LRP1B: variants seen among roughly 807,000 people sequenced by gnomAD.
LRP1B encodes LDL receptor related protein 1B.
LRP1B carries 217 observed loss-of-function variants against 556.6 expected under a neutral mutation model. The observed-to-expected ratio is 0.39, with a 90% CI of 0.35 to 0.44. The LOEUF is 0.44. Ranked by LOEUF, LRP1B falls within the 20% of genes least tolerant of loss-of-function variation. LRP1B has a pLI of 1.00. For missense variants in LRP1B, 5,053 were observed against 5,620.8 expected (o/e 0.90, Z 3.23); for synonymous variants, 2,047 against 1,865.8 (o/e 1.10, Z -2.50).
intron 2 of LRP1B, among the ~76,000 whole-genome samples, chr2:141,597,142 G>T (rs781709655): frequency 6.6e-6 from 1 of 151,786 alleles, no homozygotes; most frequent in Non-Finnish European, 1.5e-5. Flanking sequence ...TTGACCCAAA[G>T]TGATTCTGAC....
chr2:140,689,214 T>C (rs1016797974), intron 41 of LRP1B, among the ~76,000 whole-genome samples: 5 of 152,198 alleles, frequency 3.3e-5, no homozygotes, highest in African/African-American at 1.2e-4. Context: ...GAAAACCTAA[T>C]TTAGGAGTAT....
At chr2:140,503,653 TA>T (rs1689288737) in intron 53 of LRP1B, among the ~76,000 whole-genome samples, 1 of 152,118 alleles carries the variant, frequency 6.6e-6, no homozygotes, top group African/African-American at 2.4e-5. Context: ...TTAGAGTCAC[TA>T]AAAACTTTAT....
intron 2 of LRP1B, among the ~76,000 whole-genome samples, chr2:141,729,596 G>A (rs890646785): frequency 3.3e-5 from 5 of 152,072 alleles, no homozygotes; most frequent in South Asian, 2.1e-4. Flanking sequence ...TGGACAAGAC[G>A]GTTTAAGGAA....
At chr2:140,774,819 T>C (rs1343099588) in intron 33 of LRP1B, among the ~76,000 whole-genome samples, 2 of 152,178 alleles carry the variant, frequency 1.3e-5, no homozygotes, top group Non-Finnish European at 2.9e-5. Context: ...ACTGAATTGC[T>C]AGTGAAAAAT....
In LRP1B at chr2:141,686,689, C is replaced by T. The variant is rs150705614; in HGVS notation, c.205+123590G>A. Among the ~76,000 whole-genome samples, 110 of 152,004 alleles carry T rather than the reference C, an allele frequency of 7.2e-4. 4 individuals are homozygous for T. In the East Asian group the frequency reaches 0.016, roughly 22 times the overall value. ...TGGTTTGAAGGTCTCCTTCAAAACT[C>T]ATGTTGAAACTTCATCCCCAATGTG... is the stretch of plus-strand genomic sequence containing the variant. On this transcript the variant is annotated intron_variant, in intron 2 of 90. Transcript: ENST00000389484.
chr2:140,480,066 C>G (rs1356262069), intron 59 of LRP1B, among the ~76,000 whole-genome samples: 1 of 152,016 alleles, frequency 6.6e-6, no homozygotes, highest in Admixed American at 6.6e-5. Flanking sequence ...GTGTTAGGCA[C>G]AAAAAATGAT....
At chr2:142,112,762 C>T (rs1023227927) in intron 1 of LRP1B, among the ~76,000 whole-genome samples, 1 of 152,032 alleles carries the variant, frequency 6.6e-6, no homozygotes, top group African/African-American at 2.4e-5. Context: ...GTGCTCAGTA[C>T]AAGACTCTAT....
rs554183403 is a variant in LRP1B, at chr2:141,848,481, ACT to A, written c.83-38082_83-38081del. On this transcript the variant is annotated intron_variant, in intron 1 of 90. Transcript: ENST00000389484. ...CAGCTTAGGTGTCTGTCACTAGGAG[ACT>A]CTATAAATAATATGTGGTATATGCA... 5.8e-3 allele frequency among the ~76,000 whole-genome samples: 878 copies of A among 151,590 alleles called. 3 individuals carry two copies. Among genetic ancestry groups the A allele is most frequent in the Middle Eastern group, 0.01 (3 of 294 alleles).
chr2:140,305,598 A>G (rs1684032624), intron 83 of LRP1B, among the ~76,000 whole-genome samples: 1 of 152,172 alleles, frequency 6.6e-6, no homozygotes, highest in African/African-American at 2.4e-5. Flanking sequence ...TTATCTGCAA[A>G]CAGGGACAAT....
chr2:140,455,423 A>G lies in LRP1B; in HGVS notation c.9963+1032T>C, dbSNP rs146630858. Among the ~76,000 whole-genome samples, 275 of 152,292 alleles carry G rather than the reference A, an allele frequency of 1.8e-3. 4 individuals carry two copies. The highest frequency in any genetic ancestry group is 5.9e-3 in the African/African-American group (246 of 41,556). On this transcript the variant is annotated intron_variant, in intron 62 of 90. Transcript: ENST00000389484. ...ATGTACCAGGAACTTTTCCCATTTA[A>G]TCTGTATATGGCATAGAAATATTAT...
In LRP1B at chr2:141,994,179, C is replaced by T. The variant is rs1456681320; in HGVS notation, c.82+136469G>A. On this transcript the variant is annotated intron_variant, in intron 1 of 90. Transcript: ENST00000389484. ...ATCACTTTTGTCTGTTCTCCGTTTT[C>T]TTCTATTTTCCAGAGAGTTGTAGTT... Among the ~76,000 whole-genome samples, 4 of 152,216 alleles carry T rather than the reference C, an allele frequency of 2.6e-5. No homozygotes were observed. The East Asian group carries it at 5.8e-4, about 22-fold the overall frequency.
chr2:140,907,192 G>T (rs1694282320), intron 22 of LRP1B, among the ~76,000 whole-genome samples: 1 of 151,834 alleles, frequency 6.6e-6, no homozygotes, highest in Non-Finnish European at 1.5e-5. Flanking sequence ...GTCACCTTCA[G>T]TATTATCTAG....
At chr2:140,785,814 A>G (rs1021245) in intron 32 of LRP1B, among the ~76,000 whole-genome samples, 2 of 151,846 alleles carry the variant, frequency 1.3e-5, no homozygotes, top group Non-Finnish European at 2.9e-5. Context: ...TTCCCAGCAG[A>G]CTTTTCTCAG....
Position 140,601,573 on chromosome 2 carries a change from G to A in LRP1B, c.6866C>T (p.Thr2289Ile), listed in dbSNP as rs376608050. 6.1e-5 allele frequency: 98 copies of A among 1,612,966 alleles called. No homozygotes were observed. Among genetic ancestry groups the A allele is most frequent in the Non-Finnish European group, 8.1e-5 (95 of 1,179,406 alleles). The change falls in exon 42 of 91, where the codon ACC becomes ATC. Residue 2289 changes from threonine to isoleucine, a missense_variant. Coordinates refer to ENST00000389484, the MANE Select transcript of LRP1B (RefSeq NM_018557.3). ...AGTGTGTCTGGTGATGGATGAGGTG[G>A]TAGAGCTTGTCCAGTACAGTGTATC... Reference protein sequence around the residue: ...AWDTLYWTSSTTSSITRHTVD... With the variant: ...AWDTLYWTSSITSSITRHTVD...
At chr2:140,717,126 G>A (rs1477843230) in intron 35 of LRP1B, among the ~76,000 whole-genome samples, 8 of 151,976 alleles carry the variant, frequency 5.3e-5, no homozygotes, top group African/African-American at 1.9e-4. Context: ...TCCTTATCCT[G>A]CATGAATTTG....
At chr2:141,636,765 AC>A (rs762927683) in intron 2 of LRP1B, among the ~76,000 whole-genome samples, 1 of 152,062 alleles carries the variant, frequency 6.6e-6, no homozygotes, top group Non-Finnish European at 1.5e-5. Flanking sequence ...GAAAAAAAAA[AC>A]ATAAGGTAGA....
At chr2:140,725,119 T>C (rs1687546156) in intron 35 of LRP1B, among the ~76,000 whole-genome samples, 1 of 152,218 alleles carries the variant, frequency 6.6e-6, no homozygotes, top group Non-Finnish European at 1.5e-5. Flanking sequence ...TTAAGCAACC[T>C]GTTTTTCCAT....
chr2:141,977,447 A>T lies in LRP1B; in HGVS notation c.82+153201T>A, dbSNP rs144344264. Among the ~76,000 whole-genome samples, 207 of 152,192 alleles carry T rather than the reference A, an allele frequency of 1.4e-3. 1 individual carries two copies. In the East Asian group the frequency reaches 0.031, roughly 23 times the overall value. On this transcript the variant is annotated intron_variant, in intron 1 of 90. Transcript: ENST00000389484. ...ATTATCCAGGAATGCTTGTAATCCCAGCCACTTGGGAGGCTGAGGCAGGAG... is the reference window on the plus strand; with the variant it reads ...ATTATCCAGGAATGCTTGTAATCCCTGCCACTTGGGAGGCTGAGGCAGGAG...
At chr2:141,035,369 AT>A (rs1698502369) in intron 11 of LRP1B, among the ~76,000 whole-genome samples, 1 of 148,716 alleles carries the variant, frequency 6.7e-6, no homozygotes, top group Non-Finnish European at 1.5e-5. Flanking sequence ...AATAATAATA[AT>A]AATAAAAAAA....
Sources: allele counts gnomAD v4.1 joint callset (sites outside exome capture counted in the v4.1 genomes callset), GRCh38; gene constraint gnomAD v4.1.1; transcripts MANE v1.5; gene names NCBI Gene and HGNC (gene_info 2026-07-23, HGNC 2026-07-21).